The following IGSF22 variants were observed in gnomAD, a reference collection of about 807,000 sequenced individuals.
IGSF22 encodes immunoglobulin superfamily, member 22.
Under a neutral mutation model 127.0 loss-of-function variants are expected in IGSF22, and 119 were observed. The ratio of observed to expected loss-of-function variants is 0.94; its 90% CI spans 0.81 to 1.09. IGSF22 has a LOEUF of 1.09. IGSF22 is among the 50% of genes least tolerant of loss of function. The pLI, the probability that IGSF22 is intolerant of heterozygous loss-of-function variation, is 0.00. For missense variants in IGSF22, 1,518 were observed against 1,716.6 expected, an observed-to-expected ratio of 0.88 and a Z score of 2.04; for synonymous variants, 568 against 664.7, an observed-to-expected ratio of 0.85 and a Z score of 2.24.
At chr11:18,710,048 C>A (rs988974871) in intron 17 of IGSF22, among the ~76,000 whole-genome samples, 5 of 152,180 alleles carry the variant, frequency 3.3e-5, no homozygotes, top group African/African-American at 1.2e-4. Flanking sequence ...ACCTCACACC[C>A]TTACTCAACC....
chr11:18,707,321 G>C, intron 20 of IGSF22, 108 bp from the exon 21 acceptor site: 1 of 1,009,062 alleles, frequency 9.9e-7, no homozygotes, highest in East Asian at 2.7e-5. Context: ...GCAAGTCTCA[G>C]GCAGCTGGTG....
At chr11:18,719,999 C>T in intron 6 of IGSF22, 65 bp downstream of exon 6, 1 of 1,610,580 alleles carries the variant, frequency 6.2e-7, no homozygotes, top group East Asian at 2.2e-5. Context: ...TGTTGAGAGG[C>T]CTTTGAGAGG....
chr11:18,725,082 G>C (rs1848631032), intron 1 of IGSF22, among the ~76,000 whole-genome samples: 1 of 150,648 alleles, frequency 6.6e-6, no homozygotes, highest in Admixed American at 6.6e-5. Flanking sequence ...TTCATTTAAT[G>C]TGTCTTGGAG....
Position 18,715,413 on chromosome 11 carries a change from T to C in IGSF22, c.1531+19A>G, listed in dbSNP as rs919005762. 4.4e-6 allele frequency: 7 copies of C among 1,597,480 alleles called. No individual in the cohort carries two copies. The highest frequency in any genetic ancestry group is 3.3e-5 in the Admixed American group (2 of 59,782). On this transcript the variant is annotated intron_variant, in intron 11 of 22. Transcript: ENST00000513874. ...GGTCAGGGGGATTGGTCAGTGGGGATTGATAGGGCGGGTGTTACCCTCCAC... is the reference window on the plus strand; with the variant it reads ...GGTCAGGGGGATTGGTCAGTGGGGACTGATAGGGCGGGTGTTACCCTCCAC...
Position 18,712,172 on chromosome 11 carries a change from T to G in IGSF22, c.2308A>C (p.Lys770Gln). ...GCCAGGATACGGAACTGGTAGGCTTTTCCCTCTTCCACCTTGTTGGTGGAG... is the reference window on the plus strand; with the variant it reads ...GCCAGGATACGGAACTGGTAGGCTTGTCCCTCTTCCACCTTGTTGGTGGAG... ...NFSTNKVEEG[K>Q]AYQFRILAVN... is the part of the protein sequence containing the mutation. Residue 770 changes from lysine (K) to glutamine (Q), a missense_variant, in exon 15 of 23, where the codon AAA (lysine) becomes CAA (glutamine). Coordinates refer to ENST00000513874, the MANE Select transcript of IGSF22 (RefSeq NM_173588.4). The G allele has an allele frequency of 6.4e-7, 1 of 1,551,762 alleles. No homozygotes were observed.
chr11:18,725,050 C>T (rs78572121), intron 1 of IGSF22, among the ~76,000 whole-genome samples: 1,708 of 151,864 alleles, frequency 0.011, 28 homozygotes, highest in African/African-American at 0.038. Context: ...CCATTATACA[C>T]ACTATTCTGA....
rs1848252822 is a variant in IGSF22, at chr11:18,707,092, C to T, written c.3402G>A (p.Lys1134=). ...ACCAGGTGGCTGTGCTTGCATCCCG[C>T]TTCATGATGATGTAGTGAGCCTCAC... ...EDGEAHYIIM[K]RDASTATWYT... The change falls in exon 21 of 23, where the codon AAG becomes AAA. Residue 1134 remains lysine (K), a synonymous_variant. Coordinates refer to ENST00000513874, the MANE Select transcript of IGSF22 (RefSeq NM_173588.4). 3 of 1,551,594 alleles carry T rather than the reference C, an allele frequency of 1.9e-6. No homozygotes were observed. The highest frequency in any genetic ancestry group is 2.4e-5 in the East Asian group (1 of 40,930).
rs945409182 is a variant in IGSF22, at chr11:18,709,740, G to A, written c.2702-57C>T. 9 of 1,531,796 alleles carry A rather than the reference G, an allele frequency of 5.9e-6. No homozygotes were observed. The highest frequency in any genetic ancestry group is 8.0e-6 in the Non-Finnish European group (9 of 1,128,570). 94.9% of individuals were successfully genotyped at this position (1,531,796 alleles called of 1,614,324 possible). ...CCAACTCATCTCCACTCAATGCCTT[G>A]CTCACTTCCCACACTCAATACTCCT... On this transcript the variant is annotated intron_variant, in intron 17 of 22. Transcript: ENST00000513874. The surrounding 1 kb of genome is among the most constrained non-coding windows in gnomAD (Gnocchi z 4.8).
intron 9 of IGSF22, among the ~76,000 whole-genome samples, chr11:18,717,598 A>G (rs1848486175): frequency 2.0e-5 from 3 of 152,046 alleles, no homozygotes. Context: ...GGGTTTCACT[A>G]TATTGCCCAG....
rs1238606587 is a variant in IGSF22 at position 18,714,610 on chromosome 11, C to A, written c.1546G>T (p.Val516Leu). Residue 516 changes from valine (V) to leucine (L), a missense_variant, in exon 12 of 23, where the codon GTG becomes TTG. Coordinates refer to ENST00000513874, the MANE Select transcript of IGSF22 (RefSeq NM_173588.4). Reference protein sequence around the residue: ...IVTVEERLATVKSGMSDVHAA... With the variant: ...IVTVEERLATLKSGMSDVHAA... The stretch of plus-strand genomic sequence containing the variant: ...TGCACGTCGGACATCCCGCTCTTCA[C>A]TGTGGCCAGACGCTCTGGGGAGAAA... 1 of 1,614,110 alleles carries A rather than the reference C, an allele frequency of 6.2e-7. No individual in the cohort carries two copies. Among genetic ancestry groups the A allele is most frequent in the South Asian group, 1.1e-5 (1 of 91,088 alleles).
rs745665365 is a variant in IGSF22 at position 18,719,765 on chromosome 11, C to T, written c.647G>A (p.Arg216Gln). 4.5e-5 allele frequency: 73 copies of T among 1,614,064 alleles called. No individual in the cohort carries two copies. Among genetic ancestry groups the T allele is most frequent in the East Asian group, 3.8e-4 (17 of 44,886 alleles). ...CTCTTTGAGCTTCCTGAGCAGCCCC[C>T]GAAAGTCGGTGAAACCATACTCCAT... ...VCMEYGFTDF[R>Q]GLLRKLKEMK... The change falls in exon 7 of 23, where the codon CGG becomes CAG. Residue 216 changes from arginine (R) to glutamine (Q), a missense_variant. By Grantham distance (43) the Arg-to-Gln change is conservative. This residue lies in a region of IGSF22 where 1,456 missense variants were observed against 1,644.9 expected (regional missense o/e 0.89). Transcript: ENST00000513874.
rs1208300278 is a variant in IGSF22, at chr11:18,709,387, C to T, written c.2998G>A (p.Ala1000Thr). Residue 1000 changes from alanine (A) to threonine (T), a missense_variant and splice_region_variant, in exon 18 of 23, where the codon GCT becomes ACT. Physicochemically the swap from Ala to Thr is moderately conservative, Grantham distance 58 (BLOSUM62 0). Coordinates refer to ENST00000513874, the MANE Select transcript of IGSF22 (RefSeq NM_173588.4). This position sits in a 1 kb window ranked among gnomAD's most constrained non-coding sequence, Gnocchi z 4.8. ...TCCCCAGCCCTCTCTGTGTCCTCAC[C>T]TGGTGGTGGCATGGCACGGACCCCC... ...DKGVRAMPPP[A>T]APKFDLSARL... 2 of 1,613,350 alleles carry T rather than the reference C, an allele frequency of 1.2e-6. No homozygotes were observed. Among genetic ancestry groups the T allele is most frequent in the East Asian group, 2.2e-5 (1 of 44,874 alleles).
chr11:18,718,488 C>T, intron 8 of IGSF22, 127 bp downstream of exon 8: 1 of 734,674 alleles, frequency 1.4e-6, no homozygotes, highest in Non-Finnish European at 2.5e-6. Context: ...ATTCCAGCCT[C>T]TTTCAACCAT....
Position 18,707,172 on chromosome 11 carries a change from C to G in IGSF22, c.3322G>C (p.Val1108Leu). 2 of 1,546,714 alleles carry G rather than the reference C, an allele frequency of 1.3e-6. No individual in the cohort carries two copies. The highest frequency in any genetic ancestry group is 1.7e-6 in the Non-Finnish European group (2 of 1,144,230). ...CAGGTCAGAGTCACTGTGTTGGGGA[C>G]TTCCTCAAACAACCGTAGGTTTGTG... Reference protein sequence around the residue: ...PPTNLRLFEEVPNTVTLTWNH... With the variant: ...PPTNLRLFEELPNTVTLTWNH... Residue 1108 changes from valine to leucine, a missense_variant, in exon 21 of 23, where the codon GTC (valine) becomes CTC (leucine). Transcript: ENST00000513874.
chr11:18,724,196 A>G lies in IGSF22; in HGVS notation c.41T>C (p.Val14Ala), dbSNP rs186848485. The G allele has an allele frequency of 6.2e-6, 10 of 1,614,016 alleles. No homozygotes were observed. The highest frequency in any genetic ancestry group is 8.5e-6 in the Non-Finnish European group (10 of 1,179,904). The change falls in exon 2 of 23, where the codon GTG becomes GCG. Residue 14 changes from valine to alanine, a missense_variant. Val to Ala is a moderately conservative substitution (Grantham distance 64). Around this residue, in one of 3 missense-constraint regions of IGSF22, gnomAD observed 1,456 missense variants for 1,644.9 expected, o/e 0.89. Coordinates refer to ENST00000513874, the MANE Select transcript of IGSF22 (RefSeq NM_173588.4). ...IHSRQMLQEH[V>A]SMEFSSSTTH... ...GGTGGAGCTGGAGAACTCCATGGAC[A>G]CGTGCTCCTGCAGCATCTGCCGGCT...
rs1011947588 is a variant in IGSF22 at position 18,709,413 on chromosome 11, T to C, written c.2972A>G (p.Lys991Arg). 1.2e-6 allele frequency: 2 copies of C among 1,614,042 alleles called. No individual in the cohort carries two copies. The highest frequency in any genetic ancestry group is 1.7e-6 in the Non-Finnish European group (2 of 1,179,998). ...TGGTGGTGGCATGGCACGGACCCCC[T>C]TGTCTAGCTCCACAGGCTCCCCAAC... Reference protein sequence around the residue: ...AGVGEPVELDKGVRAMPPPAA... With the variant: ...AGVGEPVELDRGVRAMPPPAA... Residue 991 changes from lysine (K) to arginine (R), a missense_variant, in exon 18 of 23, where the codon AAG becomes AGG. By Grantham distance (26) the Lys-to-Arg change is conservative (BLOSUM62 2). Around this residue, in one of 3 missense-constraint regions of IGSF22, gnomAD observed 1,456 missense variants for 1,644.9 expected, o/e 0.89. Transcript: ENST00000513874. This position sits in a 1 kb window ranked among gnomAD's most constrained non-coding sequence, Gnocchi z 4.8.
At chr11:18,725,063 C>A (rs555793672) in intron 1 of IGSF22, among the ~76,000 whole-genome samples, 1 of 151,758 alleles carries the variant, frequency 6.6e-6, no homozygotes, top group Non-Finnish European at 1.5e-5. Flanking sequence ...TATTCTGACC[C>A]TTTCTTTTTT....
rs1848648931 is a variant in IGSF22, at chr11:18,726,138, A to G, written c.-98T>C. 2 of 152,412 alleles carry G rather than the reference A, an allele frequency of 1.3e-5. No individual in the cohort carries two copies. The highest frequency in any genetic ancestry group is 1.3e-4 in the Admixed American group (2 of 15,282). 9.4% of individuals were successfully genotyped at this position (152,412 alleles called of 1,614,324 possible). ...TGTCCACGGCTTTGGAGGCTCAGCTAGTGCCTGGACTGTAGGGTGGCCCGT... is the reference window on the plus strand; with the variant it reads ...TGTCCACGGCTTTGGAGGCTCAGCTGGTGCCTGGACTGTAGGGTGGCCCGT... On this transcript the variant is annotated 5_prime_UTR_variant, in exon 1 of 23. Coordinates refer to ENST00000513874, the MANE Select transcript of IGSF22 (RefSeq NM_173588.4).
Position 18,713,487 on chromosome 11 carries a change from A to C in IGSF22, c.2095+365T>G, listed in dbSNP as rs1414530690. 2.6e-5 allele frequency among the ~76,000 whole-genome samples: 4 copies of C among 151,852 alleles called. No homozygotes were observed. In the East Asian group the frequency reaches 7.7e-4, roughly 29 times the overall value. Reference sequence around the variant, plus strand: ...GTCTGGCAAATTCTACCTCTCTTTCACCTCATTTCCATCTTACCTCCTATC... The same window carrying C: ...GTCTGGCAAATTCTACCTCTCTTTCCCCTCATTTCCATCTTACCTCCTATC... On this transcript the variant is annotated intron_variant, in intron 14 of 22. Transcript: ENST00000513874.
Sources: gnomAD v4.1 joint callset for allele counts (sites outside exome capture counted in the v4.1 genomes callset) on GRCh38, gnomAD v4.1.1 for gene constraint, gnomAD v4.1.1 regional missense constraint, Gnocchi (gnomAD v3.1) non-coding constraint, MANE v1.5 for transcripts, NCBI Gene and HGNC (gene_info 2026-07-23, HGNC 2026-07-21) for gene names.